The following FIG4 variants were observed in gnomAD, a reference collection of about 807,000 sequenced individuals.
FIG4 encodes the protein FIG4 phosphoinositide 5-phosphatase.
Under a neutral mutation model 118.6 loss-of-function variants are expected in FIG4, and 112 were observed. The ratio of observed to expected loss-of-function variants is 0.94; its 90% CI spans 0.81 to 1.11. The LOEUF (loss-of-function observed/expected upper bound fraction) is 1.11. Among genes scored for constraint, FIG4 ranks in the 50% least tolerant of loss-of-function variants. The probability of loss-of-function intolerance (pLI) is 0.00; values close to 1 mark genes in which losing one functional copy is unlikely to be tolerated. For synonymous variants in FIG4, 369 were observed against 381.2 expected, an observed-to-expected ratio of 0.97 and a Z score of 0.37; for missense variants, 969 against 1,111.7, an observed-to-expected ratio of 0.87 and a Z score of 1.83.
intron 16 of FIG4, among the ~76,000 whole-genome samples, chr6:109,780,220 C>G (rs2128395163): frequency 6.6e-6 from 1 of 152,282 alleles, no homozygotes; most frequent in South Asian, 2.1e-4. Context: ...TTGTTACTGT[C>G]TTTGTTTTTG....
intron 10 of FIG4, among the ~76,000 whole-genome samples, chr6:109,754,716 G>T (rs2128389621): frequency 6.6e-6 from 1 of 152,224 alleles, no homozygotes; most frequent in South Asian, 2.1e-4. Context: ...AGATTTTCTA[G>T]TTTATTTGCG....
chr6:109,766,904 GAAGT>G lies in FIG4; in HGVS notation c.1750+12_1750+15del. On this transcript the variant is annotated intron_variant, in intron 15 of 22. Coordinates refer to ENST00000230124, the MANE Select transcript of FIG4 (RefSeq NM_014845.6). ...CAGCAATGCTTTTTCAGGTAATTCTGAAGTAATAGCTATTTTTAAGACTTACTCT... is the reference window on the plus strand; with the variant it reads ...CAGCAATGCTTTTTCAGGTAATTCTGAATAGCTATTTTTAAGACTTACTCT... 1 of 1,611,770 alleles carries G rather than the reference GAAGT, an allele frequency of 6.2e-7. No individual in the cohort carries two copies. The highest frequency in any genetic ancestry group is 8.5e-7 in the Non-Finnish European group (1 of 1,177,938).
At chr6:109,756,036 G>A (rs1159737918) in intron 10 of FIG4, among the ~76,000 whole-genome samples, 1 of 152,162 alleles carries the variant, frequency 6.6e-6, no homozygotes, top group African/African-American at 2.4e-5. Context: ...TAGTCTCAAT[G>A]GTCTTTACAT....
At chr6:109,790,031 G>A (rs1051958736) in intron 19 of FIG4, among the ~76,000 whole-genome samples, 1 of 152,166 alleles carries the variant, frequency 6.6e-6, no homozygotes, top group African/African-American at 2.4e-5. Flanking sequence ...AATATACCCT[G>A]TTACGGAACT....
intron 18 of FIG4, among the ~76,000 whole-genome samples, chr6:109,787,828 A>G (rs1331384314): frequency 6.6e-6 from 1 of 152,192 alleles, no homozygotes. Flanking sequence ...TGGTCACATC[A>G]TATTTGTCAA....
chr6:109,803,631 T>A (rs879432499), intron 22 of FIG4, among the ~76,000 whole-genome samples: 43 of 151,470 alleles, frequency 2.8e-4, no homozygotes, highest in Non-Finnish European at 5.3e-4. Context: ...CTTTTTTTTT[T>A]ATTATACTTT....
At chr6:109,727,286 C>CTTT (rs11459279) in intron 4 of FIG4, 21 bp downstream of exon 4, 371 of 1,343,702 alleles carry the variant, frequency 2.8e-4, no homozygotes, top group Non-Finnish European at 3.5e-4. Flanking sequence ...TGGTAACTAC[C>CTTT]TTTTTTTTTT....
At position 109,798,948 on chromosome 6, in the gene FIG4, A is replaced by C. The variant is rs551781897; in HGVS notation, c.2546+2097A>C. Among the ~76,000 whole-genome samples, 8 of 152,328 alleles carry C rather than the reference A, an allele frequency of 5.3e-5. No individual in the cohort carries two copies. The South Asian group carries it at 1.7e-3, about 32-fold the overall frequency. ...ATATGTCCAAGGAAGGAAACTATTT[A>C]AATGTGCTAGTAAAATAAGAGACTC... On this transcript the variant is annotated intron_variant, in intron 22 of 22. Coordinates refer to ENST00000230124, the MANE Select transcript of FIG4 (RefSeq NM_014845.6).
chr6:109,702,817 T>C (rs1774944564), intron 1 of FIG4, among the ~76,000 whole-genome samples: 2 of 152,246 alleles, frequency 1.3e-5, no homozygotes, highest in South Asian at 4.1e-4. Flanking sequence ...AATTGAACCC[T>C]GACTTTCCCC....
chr6:109,796,973 G>A (rs1027047407), intron 22 of FIG4, 122 bp downstream of exon 22: 3 of 698,498 alleles, frequency 4.3e-6, no homozygotes, highest in Non-Finnish European at 7.7e-6. Flanking sequence ...GCACCAAAGT[G>A]TCTCCTTGTG....
At position 109,820,558 on chromosome 6, in the gene FIG4, G is replaced by T. The variant is rs181697992; in HGVS notation, c.2547-4530G>T. ...TCTGAGAGCAGCCCTGGGTAAGGAG[G>T]GGTGGTGTAGCAGTGCCGATCTCCA... is the stretch of plus-strand genomic sequence containing the variant. On this transcript the variant is annotated intron_variant, in intron 22 of 22. Transcript: ENST00000230124. Among the ~76,000 whole-genome samples the T allele has an allele frequency of 1.7e-3, 252 of 152,264 alleles. 1 individual carries two copies. The highest frequency in any genetic ancestry group is 6.8e-3 in the Middle Eastern group (2 of 292).
chr6:109,806,280 C>A (rs563908857), intron 22 of FIG4, among the ~76,000 whole-genome samples: 41 of 152,226 alleles, frequency 2.7e-4, no homozygotes, highest in African/African-American at 9.1e-4. Flanking sequence ...TTTTGTTTAT[C>A]TGGAACCTTG....
chr6:109,823,106 T>C (rs142545520), intron 22 of FIG4, among the ~76,000 whole-genome samples: 6 of 152,246 alleles, frequency 3.9e-5, no homozygotes, highest in Admixed American at 2.6e-4. Context: ...GTGCTGTTGA[T>C]GTTGCCTAGG....
intron 3 of FIG4, among the ~76,000 whole-genome samples, chr6:109,718,911 C>G (rs1258070980): frequency 7.0e-6 from 1 of 142,126 alleles, no homozygotes; most frequent in African/African-American, 2.6e-5. Flanking sequence ...AATGTTGATA[C>G]CTTATTACAT....
At position 109,791,492 on chromosome 6, in the gene FIG4, G is replaced by A. The variant is rs1363783096; in HGVS notation, c.2297G>A (p.Arg766Gln). ...TCTGAGGATGACTCTGGGACTGATC[G>A]GGAAGAAGAGGGCTCTGTGTCTCAG... ...SSSEDDSGTD[R>Q]EEEGSVSQRS... Residue 766 changes from arginine (R) to glutamine (Q), a missense_variant, in exon 20 of 23, where the codon CGG (arginine) becomes CAG (glutamine). Physicochemically the swap from Arg to Gln is conservative, Grantham distance 43. Around this residue, in one of 3 missense-constraint regions of FIG4, gnomAD observed 330 missense variants for 348.1 expected, o/e 0.95. Transcript: ENST00000230124. The A allele has an allele frequency of 2.5e-6, 4 of 1,614,038 alleles. No homozygotes were observed. The highest frequency in any genetic ancestry group is 1.7e-5 in the Admixed American group (1 of 60,028).
At chr6:109,749,269 T>TG (rs1165619341) in intron 10 of FIG4, among the ~76,000 whole-genome samples, 1 of 152,120 alleles carries the variant, frequency 6.6e-6, no homozygotes, top group African/African-American at 2.4e-5. Context: ...AAATAATCAT[T>TG]TTTCTAGACA....
At chr6:109,700,655 A>T (rs1284705721) in intron 1 of FIG4, among the ~76,000 whole-genome samples, 4 of 152,226 alleles carry the variant, frequency 2.6e-5, no homozygotes. Context: ...TTTGGACATG[A>T]CATGACACCA....
intron 21 of FIG4, among the ~76,000 whole-genome samples, chr6:109,795,595 CTTTTTTTTTTTTT>C (rs72384711): frequency 5.8e-5 from 4 of 69,538 alleles, no homozygotes; most frequent in East Asian, 8.4e-4. Flanking sequence ...GGTTTCAGTC[CTTTTTTTTTTTTT>C]TTTTTTTTTT....
At chr6:109,814,872 A>G (rs539015913) in intron 22 of FIG4, among the ~76,000 whole-genome samples, 4 of 152,292 alleles carry the variant, frequency 2.6e-5, no homozygotes, top group African/African-American at 9.6e-5. Flanking sequence ...TAAAGCCAAG[A>G]TCTGAGCATT....
Sources: gnomAD v4.1 joint callset for allele counts (sites outside exome capture counted in the v4.1 genomes callset) on GRCh38, gnomAD v4.1.1 for gene constraint, gnomAD v4.1.1 regional missense constraint, MANE v1.5 for transcripts, NCBI Gene and HGNC (gene_info 2026-07-23, HGNC 2026-07-21) for gene names.